The following FBXO46 variants were observed in gnomAD, a reference collection of about 807,000 sequenced individuals.
FBXO46 encodes the protein F-box only protein 46.
FBXO46 carries 13 observed loss-of-function variants against 30.7 expected under a neutral mutation model. The observed-to-expected ratio is 0.42, with a 90% CI of 0.28 to 0.67. The LOEUF (loss-of-function observed/expected upper bound fraction) is 0.67, where lower values mean the gene tolerates loss of function less well. FBXO46 is among the 30% of genes least tolerant of loss of function. FBXO46 has a pLI of 0.21. For synonymous variants in FBXO46, 467 were observed against 385.8 expected, an observed-to-expected ratio of 1.21 and a Z score of -2.47; for missense variants, 754 against 871.5, an observed-to-expected ratio of 0.87 and a Z score of 1.70.
Position 45,713,598 on chromosome 19 carries a change from G to A in FBXO46, c.-78-25C>T. On this transcript the variant is annotated intron_variant, in intron 1 of 1. Transcript: ENST00000317683. The surrounding 1 kb of genome is among the most constrained non-coding windows in gnomAD (Gnocchi z 4.7). ...CCTGGAGACACGAAGAGGAGGTTGG[G>A]GAGCTAGGGGGACAGCCTTTCTTCC... 1 of 931,240 alleles carries A rather than the reference G, an allele frequency of 1.1e-6. No homozygotes were observed. The highest frequency in any genetic ancestry group is 1.6e-6 in the Non-Finnish European group (1 of 627,322). The allele number at this position is 931,240 out of a possible 1,614,324, so 57.7% of individuals were successfully genotyped here.
rs758208859 is a variant in FBXO46, at chr19:45,712,101, C to A, written c.1395G>T (p.Arg465=). ...GCATGTACTGTCGCGGCTCCAGCAG[C>A]CGCTGAATCTTGAAGCGGATCTCTA... ...DFLEIRFKIQ[R]LLEPRQYMLL... Residue 465 remains arginine, a synonymous_variant, in exon 2 of 2, where the codon CGG becomes CGT. Transcript: ENST00000317683. This position sits in a 1 kb window ranked among gnomAD's most constrained non-coding sequence, Gnocchi z 8.8. 1 of 1,603,000 alleles carries A rather than the reference C, an allele frequency of 6.2e-7. No individual in the cohort carries two copies. Among genetic ancestry groups the A allele is most frequent in the African/African-American group, 1.3e-5 (1 of 74,744 alleles).
rs188193256 is a variant in FBXO46 at position 45,724,624 on chromosome 19, T to C, written c.-79+6225A>G. Among the ~76,000 whole-genome samples, 108 of 151,892 alleles carry C rather than the reference T, an allele frequency of 7.1e-4. 2 individuals carry two copies. The highest frequency in any genetic ancestry group is 3.2e-4 in the Non-Finnish European group (22 of 67,954). On this transcript the variant is annotated intron_variant, in intron 1 of 1. Transcript: ENST00000317683. ...GAGTTTGAGAGCAGCCTGGGCAATA[T>C]AGCAAGACCCTGTCTCTACAAAAAA... is the stretch of plus-strand genomic sequence containing the variant.
chr19:45,715,956 TAC>T (rs1370896048), intron 1 of FBXO46: 1 of 152,110 alleles, frequency 6.6e-6, no homozygotes, highest in Admixed American at 6.6e-5. Context: ...CTCAAATACT[TAC>T]AGTCCCTGCT....
At chr19:45,731,477 C>T (rs1203087409), upstream of FBXO46, among the ~76,000 whole-genome samples, 1 of 151,822 alleles carries the variant, frequency 6.6e-6, no homozygotes, top group Non-Finnish European at 1.5e-5. Context: ...CCACCACGCC[C>T]GGCTAGTTTT....
chr19:45,717,056 T>C (rs1194986583), intron 1 of FBXO46: 3 of 152,220 alleles, frequency 2.0e-5, no homozygotes, highest in African/African-American at 7.2e-5. Flanking sequence ...ACCTTCCGCA[T>C]TACAAACGAA....
chr19:45,712,949 C>T lies in FBXO46; in HGVS notation c.547G>A (p.Ala183Thr), dbSNP rs1442834559. The T allele has an allele frequency of 1.3e-6, 2 of 1,591,650 alleles. No homozygotes were observed. Among genetic ancestry groups the T allele is most frequent in the African/African-American group, 2.7e-5 (2 of 74,354 alleles). The change falls in exon 2 of 2, where the codon GCA becomes ACA. Residue 183 changes from alanine (A) to threonine (T), a missense_variant. Coordinates refer to ENST00000317683, the MANE Select transcript of FBXO46 (RefSeq NM_001080469.2). This position sits in a 1 kb window ranked among gnomAD's most constrained non-coding sequence, Gnocchi z 8.8. ...AEMVALVEQR[A>T]ALALQSYPRP... ...GGGTAGCTCTGCAGGGCCAGGGCTGCCCGCTGTTCCACCAGGGCCACCATC... is the reference window on the plus strand; with the variant it reads ...GGGTAGCTCTGCAGGGCCAGGGCTGTCCGCTGTTCCACCAGGGCCACCATC...
intron 1 of FBXO46, chr19:45,714,497 C>T (rs1411026535): frequency 1.3e-5 from 2 of 152,124 alleles, no homozygotes; most frequent in Admixed American, 1.3e-4. Context: ...GCCGTGGACC[C>T]GCGGAGTAAG....
At position 45,712,016 on chromosome 19, in the gene FBXO46, C is replaced by A; in HGVS notation, c.1480G>T (p.Ala494Ser). 2.5e-6 allele frequency: 4 copies of A among 1,612,304 alleles called. No homozygotes were observed. The highest frequency in any genetic ancestry group is 2.2e-5 in the East Asian group (1 of 44,852). ...IFSFLPTRAL[A>S]ALKCTCHHFK... ...TGGTGGCAGGTGCACTTGAGGGCGG[C>A]CAGCGCGCGCGTGGGCAGGAAGCTG... The change falls in exon 2 of 2, where the codon GCC becomes TCC. Residue 494 changes from alanine to serine, a missense_variant. By Grantham distance (99) the Ala-to-Ser change is moderately conservative (BLOSUM62 1). Transcript: ENST00000317683. This position sits in a 1 kb window ranked among gnomAD's most constrained non-coding sequence, Gnocchi z 8.8.
chr19:45,729,879 G>A (rs939319897), intron 1 of FBXO46, among the ~76,000 whole-genome samples: 2 of 152,148 alleles, frequency 1.3e-5, no homozygotes, highest in Non-Finnish European at 2.9e-5. Flanking sequence ...TTGAGAAAAC[G>A]CCTCTGGGAC....
At chr19:45,722,761 C>A (rs77233186) in intron 1 of FBXO46, among the ~76,000 whole-genome samples, 51 of 136,412 alleles carry the variant, frequency 3.7e-4, no homozygotes, top group African/African-American at 4.7e-4. Context: ...GACTCCGTCT[C>A]AAAAAAAAAA....
intron 1 of FBXO46, among the ~76,000 whole-genome samples, chr19:45,727,686 T>A (rs1226084087): frequency 2.0e-5 from 3 of 152,120 alleles, no homozygotes; most frequent in African/African-American, 7.2e-5. Context: ...AACCATAAGC[T>A]TACTATCACA....
At chr19:45,721,855 T>C (rs1044426678) in intron 1 of FBXO46, among the ~76,000 whole-genome samples, 6 of 151,760 alleles carry the variant, frequency 4.0e-5, no homozygotes, top group African/African-American at 1.2e-4. Context: ...TTTTTTTTCT[T>C]TTTTTGAGAT....
chr19:45,721,984 C>T (rs1391450010), intron 1 of FBXO46, among the ~76,000 whole-genome samples: 1 of 152,108 alleles, frequency 6.6e-6, no homozygotes, highest in Admixed American at 6.6e-5. Flanking sequence ...CCACCATGCC[C>T]GGCTAATTTT....
At chr19:45,717,822 C>T (rs1359455956) in intron 1 of FBXO46, among the ~76,000 whole-genome samples, 8 of 152,018 alleles carry the variant, frequency 5.3e-5, no homozygotes, top group African/African-American at 1.9e-4. Context: ...GGGAATTGGG[C>T]ATCGGGATAA....
rs200723937 is a variant in FBXO46 at position 45,710,913 on chromosome 19, GCC to G, written c.*769_*770del. ...CAAATCCGAAGTCCCTGCCCACGGG[GCC>G]CCCCCACGCTGTCAAAAGCGAGGCA... On this transcript the variant is annotated 3_prime_UTR_variant, in exon 2 of 2. Transcript: ENST00000317683. 1 of 168,280 alleles carries G rather than the reference GCC, an allele frequency of 5.9e-6. No individual in the cohort carries two copies. The highest frequency in any genetic ancestry group is 6.4e-5 in the Admixed American group (1 of 15,564). 10.4% of individuals were successfully genotyped at this position (168,280 alleles called of 1,614,324 possible).
intron 1 of FBXO46, among the ~76,000 whole-genome samples, chr19:45,727,554 C>T (rs1377647543): frequency 4.8e-5 from 7 of 147,080 alleles, no homozygotes. Flanking sequence ...GAGACTCTGT[C>T]TCAAAAAAAA....
At chr19:45,721,183 G>A (rs1196232483) in intron 1 of FBXO46, among the ~76,000 whole-genome samples, 7 of 151,818 alleles carry the variant, frequency 4.6e-5, no homozygotes, top group South Asian at 2.1e-4. Flanking sequence ...GCAAAACCCC[G>A]TCTCTACTAA....
chr19:45,724,643 C>CA (rs1226703230), intron 1 of FBXO46, among the ~76,000 whole-genome samples: 48 of 149,636 alleles, frequency 3.2e-4, no homozygotes, highest in Non-Finnish European at 3.3e-4. Context: ...CCTGTCTCTA[C>CA]AAAAAAAAAA....
chr19:45,714,285 T>G (rs1274543700), intron 1 of FBXO46: 1 of 152,048 alleles, frequency 6.6e-6, no homozygotes. Context: ...CTATGGCTGC[T>G]TAAACCCACA....
Sources: allele counts gnomAD v4.1 joint callset (sites outside exome capture counted in the v4.1 genomes callset), GRCh38; gene constraint gnomAD v4.1.1; non-coding constraint Gnocchi (gnomAD v3.1); transcripts MANE v1.5; gene names NCBI Gene and HGNC (gene_info 2026-07-23, HGNC 2026-07-21).